Variants in KDM1A observed in about 807,000 individuals in gnomAD.
The protein encoded by KDM1A is lysine-specific histone demethylase 1A.
A neutral mutation model predicts 109.4 loss-of-function variants in KDM1A; 49 were observed. The observed-to-expected ratio is 0.45, with a 90% CI of 0.36 to 0.57. The LOEUF is 0.57. KDM1A is among the 20% of genes least tolerant of loss of function. The probability of loss-of-function intolerance (pLI) is 0.00; values close to 1 mark genes in which losing one functional copy is unlikely to be tolerated. For synonymous variants in KDM1A, 380 were observed against 415.4 expected (o/e 0.91, Z 1.04); for missense variants, 668 against 1,116.6 (o/e 0.60, Z 5.73).
intron 2 of KDM1A, among the ~76,000 whole-genome samples, chr1:23,032,895 T>C (rs1311220591): frequency 1.3e-5 from 2 of 152,074 alleles, no homozygotes; most frequent in East Asian, 3.9e-4. Context: ...AAGATATAGG[T>C]TTGTTTCGTT....
At chr1:23,037,096 G>A (rs907644636) in intron 2 of KDM1A, among the ~76,000 whole-genome samples, 2 of 151,194 alleles carry the variant, frequency 1.3e-5, no homozygotes, top group African/African-American at 4.9e-5. Context: ...AGCCAACATG[G>A]TGAAACCCCA....
chr1:23,062,877 ACAGT>A (rs1287128262), intron 9 of KDM1A, among the ~76,000 whole-genome samples: 5 of 152,200 alleles, frequency 3.3e-5, no homozygotes, highest in African/African-American at 4.8e-5. Flanking sequence ...AGCCTATAAA[ACAGT>A]CAGAGCTAGT....
chr1:23,082,430 ATT>A (rs376287633), intron 20 of KDM1A, 64 bp downstream of exon 20: 3,115 of 1,065,854 alleles, frequency 2.9e-3, no homozygotes, highest in South Asian at 5.8e-3. Context: ...GATGTCCCTG[ATT>A]TTTTTTTTTT....
chr1:23,042,440 A>ATTATTTT (rs1553127465), intron 2 of KDM1A, among the ~76,000 whole-genome samples: 2 of 21,560 alleles, frequency 9.3e-5, no homozygotes, highest in African/African-American at 1.6e-4. Context: ...GAAATATATT[A>ATTATTTT]TTTTTTTTTT....
chr1:23,045,444 CT>C (rs1642475935), intron 3 of KDM1A, among the ~76,000 whole-genome samples: 1 of 152,160 alleles, frequency 6.6e-6, no homozygotes, highest in Non-Finnish European at 1.5e-5. Flanking sequence ...TAGGAGCAGA[CT>C]TTTAAAAATG....
Position 23,079,656 on chromosome 1 carries a change from A to C in KDM1A, c.2159A>C (p.Asn720Thr). ...ASRGELFLFW[N>T]LYKAPILLAL... is the part of the protein sequence containing the mutation. ...AGGGGTGAGCTCTTCCTCTTCTGGA[A>C]CCTCTATAAAGGTAAATGCCTTCTA... Residue 720 changes from asparagine to threonine, a missense_variant, in exon 18 of 21, where the codon AAC becomes ACC. Transcript: ENST00000400181. The surrounding 1 kb of genome is among the most constrained non-coding windows in gnomAD (Gnocchi z 5.6). 6.2e-7 allele frequency: 1 copy of C among 1,606,558 alleles called. No individual in the cohort carries two copies. The highest frequency in any genetic ancestry group is 8.5e-7 in the Non-Finnish European group (1 of 1,173,970).
chr1:23,083,266 G>GAA lies in KDM1A; in HGVS notation c.2534_2535dup (p.Ala846LysfsTer38). On this transcript the variant is annotated frameshift_variant, in exon 21 of 21. Coordinates refer to ENST00000400181, the MANE Select transcript of KDM1A (RefSeq NM_001009999.3). LOFTEE classifies it high-confidence loss of function. ...TGGTGCTCTGCTGAGTGGGCTGCGA[G>GAA]AAGCGGGAAGAATTGCAGACCAGTT... 6.2e-7 allele frequency: 1 copy of GAA among 1,613,980 alleles called. No homozygotes were observed. Among genetic ancestry groups the GAA allele is most frequent in the Non-Finnish European group, 8.5e-7 (1 of 1,179,968 alleles).
Position 23,081,228 on chromosome 1 carries a change from A to C in KDM1A, c.2171-218A>C. ...AAGCAGTGAGGTGCCTGAGAATCTT[A>C]CTTCACTCTAGTCTGCCAGCTCCTA... On this transcript the variant is annotated intron_variant, in intron 18 of 20. Coordinates refer to ENST00000400181, the MANE Select transcript of KDM1A (RefSeq NM_001009999.3). 3 of 496,652 alleles carry C rather than the reference A, an allele frequency of 6.0e-6. No individual in the cohort carries two copies. The South Asian group carries it at 9.3e-5, about 15-fold the overall frequency. The allele number at this position is 496,652 out of a possible 1,614,324, so 30.8% of individuals were successfully genotyped here. A position where few individuals can be genotyped will look rare whatever the true frequency, so the allele number is the denominator to read the frequency against.
chr1:23,032,243 TTGTGTGGTTG>T (rs1642006016), intron 2 of KDM1A, among the ~76,000 whole-genome samples: 1 of 152,166 alleles, frequency 6.6e-6, no homozygotes, highest in Admixed American at 6.5e-5. Flanking sequence ...CTCACCTTTT[TTGTGTGGTTG>T]TGTCTCCAGT....
intron 2 of KDM1A, 138 bp from the exon 3 acceptor site, chr1:23,044,289 C>T (rs757741529): frequency 1.4e-5 from 10 of 721,878 alleles, no homozygotes; most frequent in Middle Eastern, 2.4e-4. Context: ...GGCCTTGATT[C>T]CAGAAGAAGG....
intron 1 of KDM1A, among the ~76,000 whole-genome samples, chr1:23,021,968 G>A (rs777203815): frequency 1.3e-5 from 2 of 152,136 alleles, no homozygotes; most frequent in Non-Finnish European, 2.9e-5. Context: ...TGTTTTCAGG[G>A]TTCATTCACG....
In KDM1A at chr1:23,074,106, A is replaced by C. The variant is rs367545309; in HGVS notation, c.1734+703A>C. On this transcript the variant is annotated intron_variant, in intron 15 of 20. Coordinates refer to ENST00000400181, the MANE Select transcript of KDM1A (RefSeq NM_001009999.3). ...ATGTATGAAAATTCCATTTTCTCCA[A>C]ATCCTCACCAATCTTGGTAATGCCA... Among the ~76,000 whole-genome samples the C allele has an allele frequency of 7.5e-4, 114 of 152,334 alleles. No individual in the cohort carries two copies. In the South Asian group the frequency reaches 0.022, roughly 30 times the overall value.
At chr1:23,081,873 C>T in intron 19 of KDM1A, 1 of 428,932 alleles carries the variant, frequency 2.3e-6, no homozygotes, top group Non-Finnish European at 4.2e-6. Flanking sequence ...GGGAAGTTTT[C>T]AGAGAACCTC....
intron 10 of KDM1A, among the ~76,000 whole-genome samples, chr1:23,066,942 G>A (rs1003793559): frequency 6.6e-6 from 1 of 152,212 alleles, no homozygotes; most frequent in Non-Finnish European, 1.5e-5. Flanking sequence ...AGCTGAGAAA[G>A]TAAATGAAAT....
rs1010724193 is a variant in KDM1A at position 23,028,700 on chromosome 1, CT to C, written c.352-1759del. Among the ~76,000 whole-genome samples, 439 of 150,092 alleles carry C rather than the reference CT, an allele frequency of 2.9e-3. 4 individuals carry two copies. The highest frequency in any genetic ancestry group is 9.5e-3 in the African/African-American group (389 of 40,950). On this transcript the variant is annotated intron_variant, in intron 1 of 20. Transcript: ENST00000400181. ...TTCTGACTTCTCTCCCCCTTTGAAA[CT>C]TTTTTTTTTCTCCTTGCTGCATTTT... is the stretch of plus-strand genomic sequence containing the variant.
At chr1:23,080,078 C>T (rs956111243) in intron 18 of KDM1A, among the ~76,000 whole-genome samples, 1 of 152,188 alleles carries the variant, frequency 6.6e-6, no homozygotes, top group Non-Finnish European at 1.5e-5. Flanking sequence ...CAGTTATTTT[C>T]TTTTGTAATT....
intron 9 of KDM1A, among the ~76,000 whole-genome samples, chr1:23,063,870 A>G (rs1643089538): frequency 2.0e-5 from 3 of 152,168 alleles, no homozygotes; most frequent in South Asian, 4.1e-4. Context: ...GGAAGACAAC[A>G]GTCTCTATAG....
At position 23,030,645 on chromosome 1, in the gene KDM1A, G is replaced by A. The variant is rs1233233207; in HGVS notation, c.517+11G>A. On this transcript the variant is annotated intron_variant, in intron 2 of 20. Coordinates refer to ENST00000400181, the MANE Select transcript of KDM1A (RefSeq NM_001009999.3). ...CTGAAGAACCATCGGGTGAGTTGTA[G>A]TATCCAACCACAGTTCTGTTTTATC... The A allele has an allele frequency of 2.6e-6, 4 of 1,530,660 alleles. 1 individual carries two copies. In the South Asian group the frequency reaches 5.3e-5, roughly 20 times the overall value. The allele number at this position is 1,530,660 out of a possible 1,614,324, so 94.8% of individuals were successfully genotyped here. A position where few individuals can be genotyped will look rare whatever the true frequency, so the allele number is the denominator to read the frequency against.
rs1164696482 is a variant in KDM1A at position 23,077,455 on chromosome 1, A to T, written c.1867+95A>T. ...ACCTATCAGGTACATTTCCTGATAGAGTGTTTATGACACCATAGGTAAAAA... is the reference window on the plus strand; with the variant it reads ...ACCTATCAGGTACATTTCCTGATAGTGTGTTTATGACACCATAGGTAAAAA... On this transcript the variant is annotated intron_variant, in intron 16 of 20. Coordinates refer to ENST00000400181, the MANE Select transcript of KDM1A (RefSeq NM_001009999.3). The T allele has an allele frequency of 3.8e-6, 5 of 1,308,060 alleles. No individual in the cohort carries two copies. The Admixed American group carries it at 7.3e-5, about 19-fold the overall frequency. The allele number at this position is 1,308,060 out of a possible 1,614,324, so 81.0% of individuals were successfully genotyped here. A position where few individuals can be genotyped will look rare whatever the true frequency, so the allele number is the denominator to read the frequency against.
Sources: allele counts gnomAD v4.1 joint callset (sites outside exome capture counted in the v4.1 genomes callset), GRCh38; gene constraint gnomAD v4.1.1; non-coding constraint Gnocchi (gnomAD v3.1); transcripts MANE v1.5; gene names NCBI Gene and HGNC (gene_info 2026-07-23, HGNC 2026-07-21).